Variants in GPHN observed in about 807,000 individuals in gnomAD.
The protein encoded by GPHN is gephyrin.
Under a neutral mutation model 95.5 loss-of-function variants are expected in GPHN, and 17 were observed. That is an observed-to-expected ratio of 0.18 (90% confidence interval 0.12 to 0.27). GPHN has a LOEUF of 0.27. Among genes scored for constraint, GPHN ranks in the 10% least tolerant of loss-of-function variants. GPHN has a pLI of 1.00. For synonymous variants in GPHN, 320 were observed against 322.5 expected (o/e 0.99, Z 0.08); for missense variants, 660 against 978.1 (o/e 0.67, Z 4.34).
chr14:66,844,944 C>G (rs2062257001), intron 4 of GPHN, among the ~76,000 whole-genome samples: 1 of 152,190 alleles, frequency 6.6e-6, no homozygotes, highest in East Asian at 1.9e-4. Flanking sequence ...TTTGCCTGTT[C>G]TAGATACCTC....
the GPHN span, among the ~76,000 whole-genome samples, chr14:67,632,986 A>G: frequency 6.6e-6 from 1 of 151,494 alleles, no homozygotes; most frequent in Non-Finnish European, 1.5e-5. Context: ...ACGCCCGGCT[A>G]ATTTTTCGTA....
the GPHN span, chr14:67,473,554 AG>A: frequency 6.2e-7 from 1 of 1,613,808 alleles, no homozygotes; most frequent in Non-Finnish European, 8.5e-7. The surrounding 1 kb of genome is among the most constrained non-coding windows in gnomAD (Gnocchi z 6.5). Flanking sequence ...CCGCAGAACC[AG>A]GGCACGGCGT....
At chr14:67,355,067 C>G in the GPHN span, among the ~76,000 whole-genome samples, 2 of 152,234 alleles carry the variant, frequency 1.3e-5, no homozygotes, top group Admixed American at 1.3e-4. Flanking sequence ...CCACCTCGGC[C>G]TCACAAAGTG....
At chr14:67,703,411 C>T in the GPHN span, among the ~76,000 whole-genome samples, 5 of 152,004 alleles carry the variant, frequency 3.3e-5, no homozygotes, top group South Asian at 2.1e-4. Context: ...CTGGCTGAAT[C>T]GTATAAGAAA....
chr14:66,818,338 T>A (rs2061059616), intron 3 of GPHN, among the ~76,000 whole-genome samples: 1 of 152,178 alleles, frequency 6.6e-6, no homozygotes, highest in Non-Finnish European at 1.5e-5. Context: ...CACTTCTTAG[T>A]CACAACAAGT....
chr14:67,312,343 T>C, the GPHN span, among the ~76,000 whole-genome samples: 1 of 152,142 alleles, frequency 6.6e-6, no homozygotes, highest in Non-Finnish European at 1.5e-5. Context: ...TTTGGGAGGC[T>C]GAGGGAGAAG....
rs2072724484 is a variant in GPHN at position 66,740,661 on chromosome 14, A to G, written c.144-35803A>G. 5.3e-5 allele frequency among the ~76,000 whole-genome samples: 8 copies of G among 152,088 alleles called. No homozygotes were observed. In the South Asian group the frequency reaches 1.7e-3, roughly 32 times the overall value. On this transcript the variant is annotated intron_variant, in intron 2 of 22. Coordinates refer to ENST00000478722, the MANE Select transcript of GPHN (RefSeq NM_020806.5). ...TTTTCCTGTGGTAAGTGCTTATCAT[A>G]TTTTTAAAATGACTGATATTTGGCT...
At chr14:67,151,059 G>A (rs2081255728) in intron 18 of GPHN, among the ~76,000 whole-genome samples, 1 of 152,148 alleles carries the variant, frequency 6.6e-6, no homozygotes, top group Admixed American at 6.6e-5. Context: ...CTCTCAGCCA[G>A]TTAGAACAGG....
chr14:66,954,975 T>A (rs2068387493), intron 8 of GPHN, among the ~76,000 whole-genome samples: 1 of 152,204 alleles, frequency 6.6e-6, no homozygotes, highest in Non-Finnish European at 1.5e-5. Context: ...CATTTGGTCT[T>A]GATGTATAAT....
the GPHN span, among the ~76,000 whole-genome samples, chr14:67,443,234 A>T: frequency 2.1e-5 from 3 of 143,430 alleles, no homozygotes; most frequent in African/African-American, 7.5e-5. Flanking sequence ...AGAAAGAAAG[A>T]AAAAAAAAAT....
At chr14:67,492,296 C>A in the GPHN span, among the ~76,000 whole-genome samples, 3 of 152,210 alleles carry the variant, frequency 2.0e-5, no homozygotes, top group African/African-American at 7.2e-5. Context: ...TGCCTGGCCG[C>A]CGTCCCAGAG....
intron 1 of GPHN, among the ~76,000 whole-genome samples, chr14:66,631,210 G>T (rs138888610): frequency 1.1e-3 from 169 of 151,918 alleles, no homozygotes; most frequent in Non-Finnish European, 2.0e-3. Context: ...CACCATGCCT[G>T]GCTAATTTTT....
At chr14:67,277,431 G>A in the GPHN span, among the ~76,000 whole-genome samples, 1 of 152,272 alleles carries the variant, frequency 6.6e-6, no homozygotes, top group African/African-American at 2.4e-5. Flanking sequence ...GTCCCTGTTT[G>A]CATTATGACC....
intron 1 of GPHN, among the ~76,000 whole-genome samples, chr14:66,623,688 C>G (rs971287096): frequency 6.6e-6 from 1 of 151,450 alleles, no homozygotes; most frequent in Non-Finnish European, 1.5e-5. Flanking sequence ...TTTGTGTCCT[C>G]TCATCCTGCC....
the GPHN span, among the ~76,000 whole-genome samples, chr14:67,233,172 C>G: frequency 7.6e-6 from 1 of 131,116 alleles, no homozygotes; most frequent in Non-Finnish European, 1.5e-5. Flanking sequence ...GACATAGTCT[C>G]ACTCTGTCAC....
the GPHN span, chr14:67,473,483 G>T: frequency 7.4e-6 from 12 of 1,614,208 alleles, no homozygotes; most frequent in Non-Finnish European, 1.0e-5. This position sits in a 1 kb window ranked among gnomAD's most constrained non-coding sequence, Gnocchi z 6.5. Flanking sequence ...CGGGCTCAGC[G>T]TCCTTGTCGA....
the GPHN span, among the ~76,000 whole-genome samples, chr14:67,381,014 TTTGA>T: frequency 2.6e-5 from 4 of 151,816 alleles, no homozygotes; most frequent in Admixed American, 1.3e-4. Flanking sequence ...AAAAGAGGGG[TTTGA>T]TTGTTTTGTT....
chr14:67,729,249 G>T, the GPHN span: 1 of 1,609,798 alleles, frequency 6.2e-7, no homozygotes, highest in Non-Finnish European at 8.5e-7. Flanking sequence ...AGCTGGTCCG[G>T]CACTCCTCCC....
intron 8 of GPHN, among the ~76,000 whole-genome samples, chr14:66,941,830 A>G (rs2067447529): frequency 6.6e-6 from 1 of 152,162 alleles, no homozygotes; most frequent in Admixed American, 6.5e-5. Context: ...GCAGAGAGAA[A>G]CACACGTTCT....
Sources: gnomAD v4.1 joint callset for allele counts (sites outside exome capture counted in the v4.1 genomes callset) on GRCh38, gnomAD v4.1.1 for gene constraint, Gnocchi (gnomAD v3.1) non-coding constraint, MANE v1.5 for transcripts, NCBI Gene and HGNC (gene_info 2026-07-23, HGNC 2026-07-21) for gene names.